Variants in MAP3K13 observed in about 807,000 individuals in gnomAD.
MAP3K13 encodes mitogen-activated protein kinase kinase kinase 13, also known as leucine zipper-bearing kinase.
Under a neutral mutation model 104.0 loss-of-function variants are expected in MAP3K13, and 52 were observed. The observed-to-expected ratio is 0.50, with a 90% CI of 0.40 to 0.63. The LOEUF (loss-of-function observed/expected upper bound fraction) is 0.63, where lower values mean the gene tolerates loss of function less well. Ranked by LOEUF, MAP3K13 falls within the 20% of genes least tolerant of loss-of-function variation. The pLI is 0.00. For synonymous variants in MAP3K13, 394 were observed against 442.2 expected, an observed-to-expected ratio of 0.89 and a Z score of 1.37; for missense variants, 914 against 1,218.5, an observed-to-expected ratio of 0.75 and a Z score of 3.72.
At chr3:185,455,575 C>G (rs796917396) in intron 7 of MAP3K13, among the ~76,000 whole-genome samples, 7 of 168 alleles carry the variant, frequency 0.042, no homozygotes, top group African/African-American at 0.052. Context: ...ATATATATGA[C>G]ATATATATGA....
At chr3:185,465,712 G>T in intron 8 of MAP3K13, 35 bp from the exon 9 acceptor site, 2 of 1,459,132 alleles carry the variant, frequency 1.4e-6, no homozygotes, top group Admixed American at 1.7e-5. Context: ...TCCCGAAGTT[G>T]GTTGGCTGGG....
chr3:185,480,033 A>G (rs1718353853), intron 12 of MAP3K13, 199 bp from the exon 13 acceptor site: 5 of 611,510 alleles, frequency 8.2e-6, no homozygotes, highest in South Asian at 2.0e-5. Context: ...GGGCCTCAAC[A>G]TGGAATTTCA....
chr3:185,449,731 A>T (rs1715781650), intron 5 of MAP3K13, among the ~76,000 whole-genome samples, 169 bp from the exon 6 acceptor site: 1 of 144,516 alleles, frequency 6.9e-6, no homozygotes, highest in Non-Finnish European at 1.5e-5. Context: ...CCCCACATAG[A>T]TTTTTTTTTT....
chr3:185,287,828 G>A (rs1247279500), intron 2 of MAP3K13, among the ~76,000 whole-genome samples: 1 of 152,102 alleles, frequency 6.6e-6, no homozygotes. Context: ...CTGAGGTCGG[G>A]AGTTCGAGAC....
chr3:185,331,187 G>A (rs959950206), intron 2 of MAP3K13, among the ~76,000 whole-genome samples: 2 of 137,326 alleles, frequency 1.5e-5, no homozygotes, highest in African/African-American at 2.7e-5. Context: ...TCTGCCTCCC[G>A]GGTTCAAGCG....
intron 1 of MAP3K13, among the ~76,000 whole-genome samples, chr3:185,379,897 C>T (rs948807890): frequency 1.3e-5 from 2 of 152,146 alleles, no homozygotes; most frequent in African/African-American, 4.8e-5. Flanking sequence ...TAGAAGTGCT[C>T]ATTCTTGGCC....
At chr3:185,334,694 C>T (rs1463555970) in intron 2 of MAP3K13, among the ~76,000 whole-genome samples, 17 of 151,990 alleles carry the variant, frequency 1.1e-4, no homozygotes, top group East Asian at 1.9e-4. Context: ...CACTGCAATC[C>T]GCCTCCTGGG....
intron 3 of MAP3K13, among the ~76,000 whole-genome samples, chr3:185,441,243 T>A (rs564816550): frequency 1.3e-5 from 2 of 151,994 alleles, no homozygotes; most frequent in East Asian, 2.0e-4. Flanking sequence ...CAAATAAACA[T>A]GGAAATGTCC....
chr3:185,439,057 T>A (rs1197807954), intron 3 of MAP3K13, among the ~76,000 whole-genome samples: 1 of 152,100 alleles, frequency 6.6e-6, no homozygotes. Flanking sequence ...TGGGATCACA[T>A]CCACAAAGTA....
intron 1 of MAP3K13, among the ~76,000 whole-genome samples, chr3:185,408,081 C>A (rs1270076475): frequency 6.6e-6 from 1 of 151,570 alleles, no homozygotes; most frequent in South Asian, 2.1e-4. Flanking sequence ...ATGGGCAGAG[C>A]AGAGATAAAA....
At chr3:185,329,475 C>A (rs1328302831) in intron 2 of MAP3K13, among the ~76,000 whole-genome samples, 1 of 152,284 alleles carries the variant, frequency 6.6e-6, no homozygotes, top group South Asian at 2.1e-4. Context: ...ATGTTGGGAT[C>A]CAAGATTTAA....
chr3:185,435,749 GAA>G (rs912320212), intron 2 of MAP3K13, among the ~76,000 whole-genome samples: 1 of 152,174 alleles, frequency 6.6e-6, no homozygotes, highest in African/African-American at 2.4e-5. Context: ...ATTGTAATGA[GAA>G]AACATTTTAT....
At chr3:185,338,899 A>T (rs973646692) in intron 2 of MAP3K13, among the ~76,000 whole-genome samples, 21 of 152,242 alleles carry the variant, frequency 1.4e-4, no homozygotes, top group African/African-American at 5.1e-4. Context: ...AGCAAAAATA[A>T]TAACAATGTA....
chr3:185,449,753 T>A (rs931313607), intron 5 of MAP3K13, 147 bp from the exon 6 acceptor site: 23 of 612,280 alleles, frequency 3.8e-5, no homozygotes, highest in Non-Finnish European at 3.1e-5. Flanking sequence ...TTTTCAGAGT[T>A]GTCCCAGATG....
chr3:185,487,204 C>G lies in MAP3K13; in HGVS notation c.*4748C>G, dbSNP rs1718760160. ...GTGAGGGCGCAGGATCTCACTCTGT[C>G]ACCAGGTTGGAGTACAGTGGCATGA... On this transcript the variant is annotated 3_prime_UTR_variant, in exon 14 of 14. Transcript: ENST00000265026. 6.6e-6 allele frequency: 1 copy of G among 151,896 alleles called. No homozygotes were observed. Among genetic ancestry groups the G allele is most frequent in the African/African-American group, 2.4e-5 (1 of 41,296 alleles). The allele number at this position is 151,896 out of a possible 1,614,324, so 9.4% of individuals were successfully genotyped here. A position where few individuals can be genotyped will look rare whatever the true frequency, so the allele number is the denominator to read the frequency against.
intron 2 of MAP3K13, among the ~76,000 whole-genome samples, chr3:185,345,054 G>A (rs1722866649): frequency 6.6e-6 from 1 of 151,996 alleles, no homozygotes; most frequent in African/African-American, 2.4e-5. Context: ...GTAAAGACAG[G>A]GTTTCACTAT....
At chr3:185,459,026 G>A (rs879472324) in intron 7 of MAP3K13, among the ~76,000 whole-genome samples, 10 of 152,166 alleles carry the variant, frequency 6.6e-5, no homozygotes, top group Non-Finnish European at 1.3e-4. Context: ...GATCCCAGTT[G>A]CCAGGTGGAT....
In MAP3K13 at chr3:185,482,418, G is replaced by T. The variant is rs772994871; in HGVS notation, c.2863G>T (p.Val955Phe). 6.2e-7 allele frequency: 1 copy of T among 1,613,990 alleles called. No homozygotes were observed. Among genetic ancestry groups the T allele is most frequent in the African/African-American group, 1.3e-5 (1 of 74,934 alleles). ...AGATGGGGAGTGTTCTGATGCCACA[G>T]TTAGGACCAATAAACACTACAGCTC... ...SSDGECSDAT[V>F]RTNKHYSSAT... Residue 955 changes from valine (V) to phenylalanine (F), a missense_variant, in exon 14 of 14, where the codon GTT (valine) becomes TTT (phenylalanine). By Grantham distance (50) the Val-to-Phe change is conservative (BLOSUM62 -1). Transcript: ENST00000265026. This position sits in a 1 kb window ranked among gnomAD's most constrained non-coding sequence, Gnocchi z 4.5.
chr3:185,326,689 T>C (rs932179925), intron 2 of MAP3K13, among the ~76,000 whole-genome samples: 6 of 151,778 alleles, frequency 4.0e-5, no homozygotes, highest in East Asian at 1.9e-4. Flanking sequence ...GGGAAACTTG[T>C]GTGTGTTTGA....
Sources: allele counts gnomAD v4.1 joint callset (sites outside exome capture counted in the v4.1 genomes callset), GRCh38; gene constraint gnomAD v4.1.1; non-coding constraint Gnocchi (gnomAD v3.1); transcripts MANE v1.5; gene names NCBI Gene and HGNC (gene_info 2026-07-23, HGNC 2026-07-21).